SLC16A7: variants seen among roughly 807,000 people sequenced by gnomAD.
SLC16A7 encodes monocarboxylate transporter 2.
Under a neutral mutation model 34.9 loss-of-function variants are expected in SLC16A7, and 33 were observed. That is an observed-to-expected ratio of 0.94 (90% CI 0.72 to 1.26). The LOEUF is 1.26. Ranked by LOEUF, SLC16A7 falls within the 50% of genes most tolerant of loss-of-function variation. SLC16A7 has a pLI of 0.00. For missense variants in SLC16A7, 573 were observed against 578.1 expected, an observed-to-expected ratio of 0.99 and a Z score of 0.09; for synonymous variants, 201 against 206.6, an observed-to-expected ratio of 0.97 and a Z score of 0.23.
intron 1 of SLC16A7, among the ~76,000 whole-genome samples, chr12:59,608,266 A>G (rs1879035891): frequency 6.6e-6 from 1 of 152,240 alleles, no homozygotes; most frequent in East Asian, 1.9e-4. Context: ...ATAGGTCCTC[A>G]TTACCCATTA....
intron 3 of SLC16A7, among the ~76,000 whole-genome samples, chr12:59,751,981 G>C (rs80128270): frequency 0.27 from 40,361 of 151,996 alleles, 5,433 homozygotes; most frequent in East Asian, 0.31. Context: ...ACCAGTGCTG[G>C]TACCCAGGCA....
chr12:59,675,200 A>T (rs549142953), intron 2 of SLC16A7, among the ~76,000 whole-genome samples: 1 of 152,212 alleles, frequency 6.6e-6, no homozygotes, highest in Non-Finnish European at 1.5e-5. Flanking sequence ...TCATATTTTC[A>T]TATTTCTTAT....
rs879326907 is a variant in SLC16A7, at chr12:59,788,965, T to C, written c.*9286T>C. The C allele has an allele frequency of 1.3e-5, 2 of 152,092 alleles. No homozygotes were observed. The highest frequency in any genetic ancestry group is 6.6e-5 in the Admixed American group (1 of 15,252). 9.4% of individuals were successfully genotyped at this position (152,092 alleles called of 1,614,324 possible). A position where few individuals can be genotyped will look rare whatever the true frequency, so the allele number is the denominator to read the frequency against. ...GGTATACTACAGCGTTATATGAACA[T>C]AATGTTTTAAAAAAATCTTGGTTGT... is the stretch of plus-strand genomic sequence containing the variant. On this transcript the variant is annotated 3_prime_UTR_variant, in exon 6 of 6. Coordinates refer to ENST00000547379, the MANE Select transcript of SLC16A7 (RefSeq NM_001270623.2).
intron 3 of SLC16A7, chr12:59,735,979 T>C (rs1877542237): frequency 9.2e-7 from 1 of 1,082,186 alleles, no homozygotes; most frequent in African/African-American, 1.6e-5. Context: ...GAGATCACCA[T>C]CTACTTGAGG....
At chr12:59,647,391 T>G (rs1411569281) in intron 1 of SLC16A7, among the ~76,000 whole-genome samples, 1 of 152,176 alleles carries the variant, frequency 6.6e-6, no homozygotes, top group East Asian at 1.9e-4. Flanking sequence ...CTCATTCTTC[T>G]CCTTTCTGCT....
intron 2 of SLC16A7, among the ~76,000 whole-genome samples, chr12:59,658,342 C>T (rs1315788675): frequency 7.9e-5 from 12 of 152,002 alleles, no homozygotes; most frequent in Non-Finnish European, 1.5e-5. Flanking sequence ...AGGGGCTTCC[C>T]CAAGGCACTT....
At chr12:59,712,661 A>G (rs1231799243) in intron 3 of SLC16A7, among the ~76,000 whole-genome samples, 3 of 152,210 alleles carry the variant, frequency 2.0e-5, no homozygotes, top group African/African-American at 7.2e-5. Flanking sequence ...TGAGGTGGTT[A>G]TAGGTAATTA....
intron 2 of SLC16A7, among the ~76,000 whole-genome samples, chr12:59,679,004 T>C (rs998773743): frequency 6.6e-6 from 1 of 152,098 alleles, no homozygotes; most frequent in East Asian, 1.9e-4. Flanking sequence ...TGGCCTCAAC[T>C]TTGCTCCAAG....
intron 1 of SLC16A7, among the ~76,000 whole-genome samples, chr12:59,625,837 A>G (rs759099741): frequency 8.6e-5 from 13 of 151,838 alleles, no homozygotes; most frequent in Non-Finnish European, 1.6e-4. Flanking sequence ...TATGCCTAAT[A>G]CACATGGAGG....
intron 3 of SLC16A7, among the ~76,000 whole-genome samples, chr12:59,724,051 G>C (rs530247010): frequency 2.0e-5 from 3 of 152,082 alleles, no homozygotes; most frequent in Admixed American, 1.3e-4. Context: ...TATATGTATA[G>C]TATATGATTT....
intron 1 of SLC16A7, among the ~76,000 whole-genome samples, chr12:59,604,849 A>AT (rs984479915): frequency 3.3e-5 from 5 of 151,764 alleles, no homozygotes; most frequent in South Asian, 2.1e-4. Context: ...CGATAATTTT[A>AT]TTTTTTTTCT....
At chr12:59,707,234 A>G (rs1476493034) in intron 3 of SLC16A7, among the ~76,000 whole-genome samples, 3 of 152,064 alleles carry the variant, frequency 2.0e-5, no homozygotes, top group Non-Finnish European at 2.9e-5. Flanking sequence ...GGATGCTGGG[A>G]AATACAGCCT....
intron 3 of SLC16A7, among the ~76,000 whole-genome samples, chr12:59,726,322 A>G (rs1029593204): frequency 6.6e-6 from 1 of 152,288 alleles, no homozygotes; most frequent in Non-Finnish European, 1.5e-5. Context: ...TAAAGAATCA[A>G]TATTTTTAAA....
At chr12:59,628,855 A>G (rs1018519748) in intron 1 of SLC16A7, among the ~76,000 whole-genome samples, 37 of 151,858 alleles carry the variant, frequency 2.4e-4, no homozygotes, top group African/African-American at 8.7e-4. Flanking sequence ...TAGATTCTCA[A>G]AAGACTTTTT....
intron 1 of SLC16A7, among the ~76,000 whole-genome samples, chr12:59,617,259 C>T (rs1486834624): frequency 2.6e-5 from 4 of 152,004 alleles, no homozygotes; most frequent in African/African-American, 7.2e-5. Context: ...TATATGCACC[C>T]TTCTCATCCG....
chr12:59,621,237 A>C (rs1402317677), intron 1 of SLC16A7, among the ~76,000 whole-genome samples: 4 of 151,852 alleles, frequency 2.6e-5, no homozygotes, highest in Non-Finnish European at 5.9e-5. Context: ...TCTGTCTCCC[A>C]ATCCCTGTGA....
chr12:59,654,104 TTAA>T (rs1431925481), intron 1 of SLC16A7, among the ~76,000 whole-genome samples: 1 of 151,212 alleles, frequency 6.6e-6, no homozygotes. Flanking sequence ...AATGTTATTA[TTAA>T]TAATTATATT....
At chr12:59,707,312 T>C (rs946378669) in intron 3 of SLC16A7, among the ~76,000 whole-genome samples, 2 of 151,942 alleles carry the variant, frequency 1.3e-5, no homozygotes, top group Non-Finnish European at 2.9e-5. Context: ...ATCTCAATAT[T>C]CTCCATTGAA....
At chr12:59,734,224 A>G in intron 3 of SLC16A7, 1 of 184,874 alleles carries the variant, frequency 5.4e-6, no homozygotes, top group Admixed American at 5.7e-5. Flanking sequence ...AGCTGCCCTC[A>G]GCTCCCCTGC....
Sources: gnomAD v4.1 joint callset for allele counts (sites outside exome capture counted in the v4.1 genomes callset) on GRCh38, gnomAD v4.1.1 for gene constraint, MANE v1.5 for transcripts, NCBI Gene and HGNC (gene_info 2026-07-23, HGNC 2026-07-21) for gene names.